TTLL11: variants seen among roughly 807,000 people sequenced by gnomAD.
TTLL11 encodes tubulin tyrosine ligase like 11, also known as tubulin polyglutamylase TTLL11.
In TTLL11, 42 loss-of-function variants were observed where a neutral mutation model predicts 51.7. The ratio of observed to expected loss-of-function variants is 0.81; its 90% confidence interval spans 0.64 to 1.05. The LOEUF (loss-of-function observed/expected upper bound fraction) is 1.05, where lower values mean the gene tolerates loss of function less well. Among genes scored for constraint, TTLL11 ranks in the 50% least tolerant of loss-of-function variants. The pLI, the probability that TTLL11 is intolerant of heterozygous loss-of-function variation, is 0.00. For synonymous variants in TTLL11, 381 were observed against 383.5 expected (o/e 0.99, Z 0.08); for missense variants, 799 against 940.4 (o/e 0.85, Z 1.97).
In TTLL11 at chr9:121,867,415, T is replaced by C. The variant is rs573265434; in HGVS notation, c.1733+3082A>G. On this transcript the variant is annotated intron_variant, in intron 7 of 8. Coordinates refer to ENST00000321582, the MANE Select transcript of TTLL11 (RefSeq NM_001139442.2). The stretch of plus-strand genomic sequence containing the variant: ...CTACCCAGCCCTCTGTGATAGCTGA[T>C]GCTTCCTGCCTAACCTGTAGGCAAG... Among the ~76,000 whole-genome samples the C allele has an allele frequency of 1.3e-4, 20 of 152,292 alleles. No homozygotes were observed. In the South Asian group the frequency reaches 4.1e-3, roughly 32 times the overall value.
chr9:122,039,770 T>C (rs1046519679), intron 1 of TTLL11, among the ~76,000 whole-genome samples: 9 of 151,998 alleles, frequency 5.9e-5, no homozygotes, highest in Non-Finnish European at 1.3e-4. Context: ...TCCAGGTCTA[T>C]CCAAATTCCA....
chr9:121,988,665 T>C (rs917778715), intron 4 of TTLL11, among the ~76,000 whole-genome samples: 2 of 152,188 alleles, frequency 1.3e-5, no homozygotes, highest in African/African-American at 2.4e-5. Flanking sequence ...GAATGTTACG[T>C]GGCCCCACGA....
At chr9:121,965,629 C>T (rs926402251) in intron 6 of TTLL11, among the ~76,000 whole-genome samples, 4 of 152,166 alleles carry the variant, frequency 2.6e-5, no homozygotes, top group Non-Finnish European at 5.9e-5. Context: ...GCAGTGCACA[C>T]ATGAATGGGC....
intron 1 of TTLL11, among the ~76,000 whole-genome samples, chr9:122,075,015 T>C (rs886700401): frequency 2.0e-5 from 3 of 152,190 alleles, no homozygotes; most frequent in African/African-American, 7.2e-5. Context: ...AATCCCTCAT[T>C]GGTATCAGAT....
chr9:121,826,553 G>GTATATATATATATATATA (rs1385087890), intron 8 of TTLL11, among the ~76,000 whole-genome samples: 2,601 of 45,094 alleles, frequency 0.058, 137 homozygotes, highest in Middle Eastern at 0.1. Flanking sequence ...ATATATATGT[G>GTATATATATATATATATA]TGTGTATATA....
intron 6 of TTLL11, among the ~76,000 whole-genome samples, chr9:121,940,206 T>C (rs905400971): frequency 6.6e-6 from 1 of 152,172 alleles, no homozygotes; most frequent in Non-Finnish European, 1.5e-5. Context: ...TCTTGTTTGA[T>C]TCATAGTCAT....
chr9:121,968,227 G>A (rs1842461266), intron 6 of TTLL11, among the ~76,000 whole-genome samples: 1 of 152,120 alleles, frequency 6.6e-6, no homozygotes, highest in Admixed American at 6.5e-5. Context: ...CGGAACCTTG[G>A]TAAGAAAATC....
chr9:122,044,879 G>A (rs912115583), intron 1 of TTLL11, among the ~76,000 whole-genome samples: 2 of 152,118 alleles, frequency 1.3e-5, no homozygotes, highest in Middle Eastern at 3.4e-3. Flanking sequence ...GGAGGCTGAC[G>A]CGGGAGGAGT....
At position 121,860,335 on chromosome 9, in the gene TTLL11, A is replaced by C; in HGVS notation, c.1840+2T>G. ...GCCATGGCAGAGGCATTTGTCAAAT[A>C]CCTGAGTCCCGCTGGTCCAGGGTCA... is the stretch of plus-strand genomic sequence containing the variant. On this transcript the variant is annotated splice_donor_variant, in intron 8 of 8. Coordinates refer to ENST00000321582, the MANE Select transcript of TTLL11 (RefSeq NM_001139442.2). LOFTEE classifies it high-confidence loss of function. The C allele has an allele frequency of 6.5e-7, 1 of 1,548,634 alleles. No homozygotes were observed. The highest frequency in any genetic ancestry group is 1.7e-4 in the Middle Eastern group (1 of 5,984).
intron 6 of TTLL11, among the ~76,000 whole-genome samples, chr9:121,969,101 C>G (rs1009201370): frequency 2.0e-5 from 3 of 152,178 alleles, no homozygotes; most frequent in Admixed American, 6.5e-5. Context: ...AACTCCTGAC[C>G]TCAAGTAATC....
intron 3 of TTLL11, among the ~76,000 whole-genome samples, chr9:122,025,085 A>G (rs1385105304): frequency 6.6e-6 from 1 of 152,174 alleles, no homozygotes; most frequent in Non-Finnish European, 1.5e-5. Flanking sequence ...TACAATTGGT[A>G]TATCTCATAA....
intron 8 of TTLL11, among the ~76,000 whole-genome samples, chr9:121,826,106 T>C (rs190640080): frequency 8.4e-4 from 120 of 143,042 alleles, no homozygotes; most frequent in African/African-American, 3.0e-3. Context: ...TGAAAAAAAA[T>C]ACAATGCAAA....
At chr9:121,862,081 G>A (rs992507699) in intron 7 of TTLL11, among the ~76,000 whole-genome samples, 1 of 152,126 alleles carries the variant, frequency 6.6e-6, no homozygotes, top group East Asian at 1.9e-4. Flanking sequence ...GTGCAGGGAG[G>A]CCACAGTAAC....
In TTLL11 at chr9:122,012,678, G is replaced by GCACA. The variant is rs375690929; in HGVS notation, c.693+19041_693+19044dup. Among the ~76,000 whole-genome samples the GCACA allele has an allele frequency of 2.6e-3, 365 of 142,630 alleles. 1 individual carries two copies. The highest frequency in any genetic ancestry group is 4.8e-3 in the African/African-American group (185 of 38,894). The allele number at this position is 142,630 out of a possible 152,430, so 93.6% of individuals were successfully genotyped here. On this transcript the variant is annotated intron_variant, in intron 3 of 8. Transcript: ENST00000321582. ...AAAATACACATACACACACACACAC[G>GCACA]CACACACACACACACACACACACAC...
intron 6 of TTLL11, among the ~76,000 whole-genome samples, chr9:121,967,561 G>A (rs1412995035): frequency 1.3e-5 from 2 of 152,288 alleles, no homozygotes; most frequent in Admixed American, 1.3e-4. Flanking sequence ...TGACCAGCAT[G>A]ATGAGTTCTA....
At chr9:121,967,569 C>A (rs1172976459) in intron 6 of TTLL11, among the ~76,000 whole-genome samples, 1 of 152,134 alleles carries the variant, frequency 6.6e-6, no homozygotes, top group Non-Finnish European at 1.5e-5. Context: ...ATGATGAGTT[C>A]TAAGGTCTGG....
At position 121,826,553 on chromosome 9, in the gene TTLL11, GTGTGTA is replaced by G. The variant is rs1288334716; in HGVS notation, c.1841-3680_1841-3675del. 1.3e-4 allele frequency among the ~76,000 whole-genome samples: 6 copies of G among 45,224 alleles called. 2 individuals are homozygous for G. Among genetic ancestry groups the G allele is most frequent in the African/African-American group, 1.1e-3 (6 of 5,546 alleles). 29.7% of individuals were successfully genotyped at this position (45,224 alleles called of 152,430 possible). ...TGTGTGTGTGTATATATATATATGT[GTGTGTA>G]TATATATATATATATATATATATGT... On this transcript the variant is annotated intron_variant, in intron 8 of 8. Coordinates refer to ENST00000321582, the MANE Select transcript of TTLL11 (RefSeq NM_001139442.2).
intron 3 of TTLL11, among the ~76,000 whole-genome samples, chr9:122,005,528 C>G (rs1035163101): frequency 1.3e-5 from 2 of 152,212 alleles, no homozygotes; most frequent in African/African-American, 4.8e-5. Context: ...AACCTTCTTG[C>G]TGGTGCCCTC....
chr9:122,042,646 AT>A (rs1461988059), intron 1 of TTLL11, among the ~76,000 whole-genome samples: 2 of 152,260 alleles, frequency 1.3e-5, no homozygotes, highest in African/African-American at 4.8e-5. Context: ...AGCTGTATTC[AT>A]AACTGCCAAA....
Sources: gnomAD v4.1 joint callset for allele counts (sites outside exome capture counted in the v4.1 genomes callset) on GRCh38, gnomAD v4.1.1 for gene constraint, MANE v1.5 for transcripts, NCBI Gene and HGNC (gene_info 2026-07-23, HGNC 2026-07-21) for gene names.